FRYL: variants seen among roughly 807,000 people sequenced by gnomAD.
FRYL encodes protein furry homolog-like.
FRYL carries 150 observed loss-of-function variants against 351.2 expected under a neutral mutation model. The ratio of observed to expected loss-of-function variants is 0.43; its 90% CI spans 0.37 to 0.49. FRYL has a LOEUF of 0.49. Among genes scored for constraint, FRYL ranks in the 20% least tolerant of loss-of-function variants. The pLI, the probability that FRYL is intolerant of heterozygous loss-of-function variation, is 0.00. For missense variants in FRYL, 3,036 were observed against 3,619.3 expected, an observed-to-expected ratio of 0.84 and a Z score of 4.13; for synonymous variants, 1,153 against 1,257.1, an observed-to-expected ratio of 0.92 and a Z score of 1.75.
intron 9 of FRYL, among the ~76,000 whole-genome samples, chr4:48,608,168 G>C (rs1245121761): frequency 6.6e-6 from 1 of 151,952 alleles, no homozygotes; most frequent in Non-Finnish European, 1.5e-5. Flanking sequence ...TGCTATACAA[G>C]GGTTCCTAGT....
chr4:48,773,306 T>G (rs1284326044), intron 1 of FRYL, among the ~76,000 whole-genome samples: 1 of 152,178 alleles, frequency 6.6e-6, no homozygotes, highest in African/African-American at 2.4e-5. Flanking sequence ...ATTAAGGGTC[T>G]ACCAAGTCAC....
At chr4:48,655,161 G>C (rs1417700435) in intron 3 of FRYL, among the ~76,000 whole-genome samples, 1 of 152,052 alleles carries the variant, frequency 6.6e-6, no homozygotes, top group Admixed American at 6.6e-5. Context: ...CAGTGGTAGT[G>C]GTATTTTTTG....
intron 3 of FRYL, among the ~76,000 whole-genome samples, chr4:48,649,557 C>T (rs530401722): frequency 1.2e-4 from 18 of 152,306 alleles, no homozygotes; most frequent in Admixed American, 3.3e-4. Flanking sequence ...CTGAGTCTTG[C>T]TTTGTCTTAT....
chr4:48,744,910 T>C (rs938016439), intron 1 of FRYL, among the ~76,000 whole-genome samples: 4 of 152,160 alleles, frequency 2.6e-5, no homozygotes, highest in Admixed American at 2.6e-4. Flanking sequence ...AAAAAAAGAA[T>C]ACAATATGAA....
At chr4:48,761,080 C>A (rs1263549063) in intron 1 of FRYL, among the ~76,000 whole-genome samples, 1 of 149,000 alleles carries the variant, frequency 6.7e-6, no homozygotes, top group Non-Finnish European at 1.5e-5. Context: ...AAGTAAGGAT[C>A]TTCTTGCTTT....
intron 3 of FRYL, among the ~76,000 whole-genome samples, chr4:48,659,507 A>G (rs112440084): frequency 5.9e-4 from 1 of 1,706 alleles, no homozygotes; most frequent in African/African-American, 7.2e-4. Context: ...GAGGGAGAAG[A>G]AGAAGAGGGA....
At position 48,642,626 on chromosome 4, in the gene FRYL, C is replaced by A. The variant is rs553761585; in HGVS notation, c.-80-8136G>T. The stretch of plus-strand genomic sequence containing the variant: ...TCTAAACATAGAAGTCCTATGACAT[C>A]TTTGGCATATGTCCAATGTTTTTTA... On this transcript the variant is annotated intron_variant, in intron 3 of 63. Coordinates refer to ENST00000358350, the MANE Select transcript of FRYL (RefSeq NM_015030.2). Among the ~76,000 whole-genome samples the A allele has an allele frequency of 5.3e-5, 8 of 152,154 alleles. No homozygotes were observed. In the East Asian group the frequency reaches 1.4e-3, roughly 26 times the overall value.
chr4:48,532,724 A>AT (rs1049681741), intron 49 of FRYL, among the ~76,000 whole-genome samples: 6 of 152,238 alleles, frequency 3.9e-5, no homozygotes, highest in African/African-American at 9.6e-5. Flanking sequence ...TAATCATCAT[A>AT]TTTTTTCTGA....
At chr4:48,667,908 A>G (rs1202643672) in intron 3 of FRYL, among the ~76,000 whole-genome samples, 2 of 152,206 alleles carry the variant, frequency 1.3e-5, no homozygotes, top group African/African-American at 4.8e-5. Flanking sequence ...CTGGCTTCCC[A>G]AAGTGCTGTG....
At chr4:48,713,107 A>C (rs192321678) in intron 1 of FRYL, among the ~76,000 whole-genome samples, 9,169 of 152,224 alleles carry the variant, frequency 0.06, 384 homozygotes, top group Non-Finnish European at 0.091. Flanking sequence ...AACGACCGGT[A>C]CCAGCCGCTG....
intron 4 of FRYL, among the ~76,000 whole-genome samples, 195 bp downstream of exon 4, chr4:48,634,096 T>C (rs1403336128): frequency 1.3e-5 from 2 of 152,242 alleles, no homozygotes; most frequent in Non-Finnish European, 2.9e-5. Flanking sequence ...ATTCCCACTG[T>C]TGAAGTTCCT....
At chr4:48,612,406 C>T (rs548527896) in intron 7 of FRYL, among the ~76,000 whole-genome samples, 34 of 152,104 alleles carry the variant, frequency 2.2e-4, no homozygotes, top group Admixed American at 4.6e-4. Flanking sequence ...TTTTCCTCCC[C>T]TATACAGTAA....
At chr4:48,767,982 G>C (rs1775141710) in intron 1 of FRYL, among the ~76,000 whole-genome samples, 1 of 152,222 alleles carries the variant, frequency 6.6e-6, no homozygotes, top group Non-Finnish European at 1.5e-5. Flanking sequence ...AAATGTGGCA[G>C]TCCACCCTAA....
rs780823823 is a variant in FRYL at position 48,540,706 on chromosome 4, G to C, written c.5942C>G (p.Ser1981Cys). The C allele has an allele frequency of 5.0e-6, 8 of 1,614,018 alleles. No homozygotes were observed. The East Asian group carries it at 1.3e-4, about 27-fold the overall frequency. Residue 1981 changes from serine (S) to cysteine (C), a missense_variant, in exon 46 of 64, where the codon TCT becomes TGT. Transcript: ENST00000358350. ...GTCATACATTCCTTTCTCTCTTAGAGAGGAAAGGCTTCTAGTCCTTGCTAA... is the reference window on the plus strand; with the variant it reads ...GTCATACATTCCTTTCTCTCTTAGACAGGAAAGGCTTCTAGTCCTTGCTAA... Reference protein sequence around the residue: ...SSLARTRSLSSLREKGMYDVQ... With the variant: ...SSLARTRSLSCLREKGMYDVQ...
At chr4:48,606,943 G>A (rs1325951481) in intron 9 of FRYL, among the ~76,000 whole-genome samples, 1 of 152,096 alleles carries the variant, frequency 6.6e-6, no homozygotes, top group Admixed American at 6.6e-5. Flanking sequence ...ATGTAAATCA[G>A]TGTCTCCAAC....
intron 13 of FRYL, among the ~76,000 whole-genome samples, chr4:48,596,212 C>T (rs1169044110): frequency 1.3e-5 from 2 of 152,040 alleles, no homozygotes; most frequent in East Asian, 1.9e-4. Flanking sequence ...TTTCAAAATG[C>T]TAAAATTTTA....
intron 37 of FRYL, among the ~76,000 whole-genome samples, chr4:48,551,010 T>C (rs576998042): frequency 6.6e-6 from 1 of 151,706 alleles, no homozygotes; most frequent in African/African-American, 2.4e-5. Context: ...AGGCAGAGGT[T>C]GAGCTGAGAT....
At chr4:48,749,545 A>G (rs1773037270) in intron 1 of FRYL, among the ~76,000 whole-genome samples, 1 of 152,142 alleles carries the variant, frequency 6.6e-6, no homozygotes, top group South Asian at 2.1e-4. Flanking sequence ...CTGGAAGCTC[A>G]TGGTTGTCAA....
intron 33 of FRYL, among the ~76,000 whole-genome samples, chr4:48,560,455 G>T (rs1225848746): frequency 6.6e-6 from 1 of 152,114 alleles, no homozygotes; most frequent in African/African-American, 2.4e-5. Context: ...AGGTGGTGGG[G>T]GTGTGGGCAT....
Sources: allele counts gnomAD v4.1 joint callset (sites outside exome capture counted in the v4.1 genomes callset), GRCh38; gene constraint gnomAD v4.1.1; transcripts MANE v1.5; gene names NCBI Gene and HGNC (gene_info 2026-07-23, HGNC 2026-07-21).